ZNF529: variants seen among roughly 807,000 people sequenced by gnomAD.
ZNF529 encodes zinc finger protein 529.
ZNF529 carries 11 observed loss-of-function variants against 10.1 expected under a neutral mutation model. The ratio of observed to expected loss-of-function variants is 1.09; its 90% CI spans 0.69 to 1.81. The LOEUF (loss-of-function observed/expected upper bound fraction) is 1.81, where lower values mean the gene tolerates loss of function less well. Ranked by LOEUF, ZNF529 falls within the 40% of genes most tolerant of loss-of-function variation. The pLI is 0.00. For synonymous variants in ZNF529, 204 were observed against 215.7 expected (o/e 0.95, Z 0.47); for missense variants, 624 against 666.8 (o/e 0.94, Z 0.71).
rs762231513 is a variant in ZNF529 at position 36,547,195 on chromosome 19, A to G, written c.1363T>C (p.Cys455Arg). ...SGQKPYECKE[C>R]GKFFRLTSAL... ...GACGTAAGTCTAAAGAACTTTCCAC[A>G]CTCCTTACATTCATAAGGTTTTTGA... Residue 455 changes from cysteine to arginine, a missense_variant, in exon 5 of 5, where the codon TGT becomes CGT. Transcript: ENST00000591340. 18 of 1,613,092 alleles carry G rather than the reference A, an allele frequency of 1.1e-5. No individual in the cohort carries two copies.
rs2145772641 is a variant in ZNF529, at chr19:36,543,977, T to A, written c.*2889A>T. 1 of 88,034 alleles carries A rather than the reference T, an allele frequency of 1.1e-5. No homozygotes were observed. The highest frequency in any genetic ancestry group is 3.4e-4 in the South Asian group (1 of 2,932). The allele number at this position is 88,034 out of a possible 1,614,324, so 5.5% of individuals were successfully genotyped here. On this transcript the variant is annotated 3_prime_UTR_variant, in exon 5 of 5. Coordinates refer to ENST00000591340, the MANE Select transcript of ZNF529 (RefSeq NM_020951.5). ...CCTAACATACATATATTAGTTGCCA[T>A]TAAATTGAATTCCTTCAAGGACATA...
At chr19:36,554,317 A>T (rs866411877) in intron 4 of ZNF529, among the ~76,000 whole-genome samples, 1 of 152,162 alleles carries the variant, frequency 6.6e-6, no homozygotes, top group Non-Finnish European at 1.5e-5. Context: ...AGTGGCTCAC[A>T]CCTGTAATCC....
chr19:36,573,974 C>T (rs914080437), upstream of ZNF529, among the ~76,000 whole-genome samples: 1 of 152,126 alleles, frequency 6.6e-6, no homozygotes, highest in African/African-American at 2.4e-5. Flanking sequence ...TGGAATCTGG[C>T]AGGTAGCGGC....
At chr19:36,572,541 C>T in intron 1 of ZNF529, 149 bp from the exon 2 acceptor site, 14 of 634,942 alleles carry the variant, frequency 2.2e-5, no homozygotes, top group Non-Finnish European at 3.3e-5. Flanking sequence ...CTCCCCACAT[C>T]CGAGAAAAAG....
At chr19:36,554,490 A>G (rs1332063786) in intron 4 of ZNF529, among the ~76,000 whole-genome samples, 180 bp downstream of exon 4, 1 of 152,184 alleles carries the variant, frequency 6.6e-6, no homozygotes, top group Non-Finnish European at 1.5e-5. Context: ...AGGCAGAAGA[A>G]TCACTTGAAC....
At chr19:36,604,709 A>T (rs1001182567) in intron 1 of ZNF529, 3 of 152,236 alleles carry the variant, frequency 2.0e-5, no homozygotes, top group African/African-American at 7.2e-5. Flanking sequence ...AGTTTTGATC[A>T]CAGTCTCCAG....
upstream of ZNF529, among the ~76,000 whole-genome samples, chr19:36,574,042 C>G (rs942399178): frequency 3.3e-5 from 5 of 152,190 alleles, no homozygotes; most frequent in African/African-American, 1.2e-4. Context: ...CGAAAAGACT[C>G]AGACTCTAAA....
chr19:36,596,428 T>C (rs889762100), intron 1 of ZNF529, among the ~76,000 whole-genome samples: 15 of 152,094 alleles, frequency 9.9e-5, no homozygotes, highest in Non-Finnish European at 1.6e-4. Flanking sequence ...CATAATATTT[T>C]TGGCCTTAAA....
chr19:36,557,306 C>T (rs2035514987), intron 2 of ZNF529, among the ~76,000 whole-genome samples: 1 of 152,120 alleles, frequency 6.6e-6, no homozygotes, highest in Non-Finnish European at 1.5e-5. Context: ...TAAAATAATC[C>T]AGAGAGTCCA....
chr19:36,590,289 C>T (rs145891053), intron 1 of ZNF529, among the ~76,000 whole-genome samples: 3 of 152,150 alleles, frequency 2.0e-5, no homozygotes, highest in East Asian at 1.9e-4. Flanking sequence ...GCAGAAGGAT[C>T]GCTTGAGCCC....
intron 4 of ZNF529, among the ~76,000 whole-genome samples, chr19:36,548,976 C>T (rs1175436242): frequency 6.6e-6 from 1 of 152,322 alleles, no homozygotes; most frequent in Non-Finnish European, 1.5e-5. Context: ...GCACTCTAGC[C>T]TGGGCAGCAG....
In ZNF529 at chr19:36,544,250, GAAGTT is replaced by G. The variant is rs1568564046; in HGVS notation, c.*2611_*2615del. 2 of 152,090 alleles carry G rather than the reference GAAGTT, an allele frequency of 1.3e-5. No homozygotes were observed. Among genetic ancestry groups the G allele is most frequent in the African/African-American group, 4.8e-5 (2 of 41,412 alleles). 9.4% of individuals were successfully genotyped at this position (152,090 alleles called of 1,614,324 possible). A position where few individuals can be genotyped will look rare whatever the true frequency, so the allele number is the denominator to read the frequency against. On this transcript the variant is annotated 3_prime_UTR_variant, in exon 5 of 5. Coordinates refer to ENST00000591340, the MANE Select transcript of ZNF529 (RefSeq NM_020951.5). Reference sequence around the variant, plus strand: ...GTGTGAAATGCCATAAGTTCATTACGAAGTTAAGTGAAAAATGTTAATATGATAAA... The same window carrying G: ...GTGTGAAATGCCATAAGTTCATTACGAAGTGAAAAATGTTAATATGATAAA...
chr19:36,582,914 GTAAAATGA>G (rs1378225378), intron 2 of ZNF529, among the ~76,000 whole-genome samples: 2 of 152,066 alleles, frequency 1.3e-5, no homozygotes, highest in Non-Finnish European at 2.9e-5. Context: ...CCTATAGACA[GTAAAATGA>G]TAAGGCAATA....
intron 2 of ZNF529, among the ~76,000 whole-genome samples, chr19:36,567,889 T>G (rs2145836590): frequency 1.3e-5 from 2 of 152,234 alleles, no homozygotes; most frequent in South Asian, 2.1e-4. Context: ...CTGCACGATG[T>G]GAAAAAATAT....
At chr19:36,596,266 G>T (rs1410192598) in intron 1 of ZNF529, among the ~76,000 whole-genome samples, 1 of 151,604 alleles carries the variant, frequency 6.6e-6, no homozygotes, top group Middle Eastern at 3.4e-3. Context: ...TAGAGACAGG[G>T]TTTCACTATG....
intron 2 of ZNF529, chr19:36,580,847 TATA>T (rs2036448495): frequency 6.9e-6 from 1 of 144,744 alleles, no homozygotes. Flanking sequence ...TAAAATACAG[TATA>T]AAATTATTTA....
At chr19:36,559,436 G>C (rs1489747925) in intron 2 of ZNF529, among the ~76,000 whole-genome samples, 1 of 152,226 alleles carries the variant, frequency 6.6e-6, no homozygotes, top group East Asian at 1.9e-4. Flanking sequence ...AGCCTCCTGA[G>C]TAGCTGGGAT....
At chr19:36,550,575 C>T (rs1197375260) in intron 4 of ZNF529, among the ~76,000 whole-genome samples, 1 of 152,034 alleles carries the variant, frequency 6.6e-6, no homozygotes, top group East Asian at 1.9e-4. Flanking sequence ...TATTAAATAA[C>T]TGTTGAGTCA....
chr19:36,573,382 T>C, upstream of ZNF529: 1 of 463,192 alleles, frequency 2.2e-6, no homozygotes, highest in Non-Finnish European at 4.5e-6. Context: ...GCCCTGAAGC[T>C]CAAGCGGAGC....
Sources: allele counts gnomAD v4.1 joint callset (sites outside exome capture counted in the v4.1 genomes callset), GRCh38; gene constraint gnomAD v4.1.1; transcripts MANE v1.5; gene names NCBI Gene and HGNC (gene_info 2026-07-23, HGNC 2026-07-21).